The following PRKN variants were observed in gnomAD, a reference collection of about 807,000 sequenced individuals.
PRKN encodes parkin RBR E3 ubiquitin protein ligase, also known as E3 ubiquitin-protein ligase parkin.
Under a neutral mutation model 59.5 loss-of-function variants are expected in PRKN, and 56 were observed. The ratio of observed to expected loss-of-function variants is 0.94; its 90% CI spans 0.76 to 1.18. PRKN has a LOEUF of 1.18. PRKN is among the 50% of genes most tolerant of loss of function. The pLI is 0.00. For missense variants in PRKN, 657 were observed against 596.4 expected (o/e 1.10, Z -1.06); for synonymous variants, 250 against 222.1 (o/e 1.13, Z -1.12).
At chr6:161,644,141 TA>T (rs34426716) in intron 7 of PRKN, among the ~76,000 whole-genome samples, 2,619 of 152,328 alleles carry the variant, frequency 0.017, 34 homozygotes, top group Non-Finnish European at 0.023. Context: ...AGAGGGGTTC[TA>T]ACTCTTGGCT....
At chr6:161,908,506 A>G (rs1231124600) in intron 6 of PRKN, among the ~76,000 whole-genome samples, 3 of 152,172 alleles carry the variant, frequency 2.0e-5, no homozygotes, top group Non-Finnish European at 1.5e-5. Flanking sequence ...GTAGAGTAAA[A>G]TGGTCTTAAA....
rs1447403370 is a variant in PRKN, at chr6:161,499,262, C to T, written c.1083+49592G>A. ...AAGTGAAGAATGAGGACACCCTGGGCCTCCACTCCTTCCCTTCAGTTGCTA... is the reference window on the plus strand; with the variant it reads ...AAGTGAAGAATGAGGACACCCTGGGTCTCCACTCCTTCCCTTCAGTTGCTA... On this transcript the variant is annotated intron_variant, in intron 9 of 11. Transcript: ENST00000366898. This position sits in a 1 kb window ranked among gnomAD's most constrained non-coding sequence, Gnocchi z 4.2. Among the ~76,000 whole-genome samples, 1 of 152,032 alleles carries T rather than the reference C, an allele frequency of 6.6e-6. No homozygotes were observed. The highest frequency in any genetic ancestry group is 1.5e-5 in the Non-Finnish European group (1 of 68,022).
chr6:162,222,667 A>G (rs529068232), intron 3 of PRKN, among the ~76,000 whole-genome samples: 110 of 152,234 alleles, frequency 7.2e-4, no homozygotes, highest in African/African-American at 2.6e-3. Flanking sequence ...GCAGTTAAGC[A>G]CTGCTCACAA....
At chr6:161,464,639 C>T (rs1790367670) in intron 9 of PRKN, among the ~76,000 whole-genome samples, 2 of 152,204 alleles carry the variant, frequency 1.3e-5, no homozygotes, top group African/African-American at 4.8e-5. Context: ...TGTGTAACTA[C>T]AGTCTTGGTA....
intron 6 of PRKN, among the ~76,000 whole-genome samples, chr6:161,925,256 C>T (rs1330539133): frequency 6.6e-6 from 1 of 152,084 alleles, no homozygotes; most frequent in Non-Finnish European, 1.5e-5. Context: ...GCATCTTTGA[C>T]TTTATAGAAA....
chr6:162,572,416 T>C (rs931679960), intron 1 of PRKN, among the ~76,000 whole-genome samples: 6 of 152,214 alleles, frequency 3.9e-5, no homozygotes. Context: ...TTAATTGGCT[T>C]TGTAATCCAG....
chr6:161,937,274 T>C (rs372301189), intron 6 of PRKN, among the ~76,000 whole-genome samples: 5 of 152,342 alleles, frequency 3.3e-5, no homozygotes, highest in Non-Finnish European at 7.3e-5. Flanking sequence ...AGTTACATTT[T>C]TCATCTTTTA....
intron 6 of PRKN, among the ~76,000 whole-genome samples, chr6:161,922,006 A>G (rs993237928): frequency 1.3e-5 from 2 of 152,232 alleles, no homozygotes; most frequent in African/African-American, 4.8e-5. Flanking sequence ...TCTGAGAAAC[A>G]TTGACTGAAT....
chr6:162,405,145 A>G (rs1443434175), intron 2 of PRKN, among the ~76,000 whole-genome samples: 4 of 152,266 alleles, frequency 2.6e-5, no homozygotes, highest in South Asian at 4.1e-4. Context: ...CAACTCAAAA[A>G]AGGAGTGAGG....
intron 2 of PRKN, among the ~76,000 whole-genome samples, chr6:162,305,870 T>G (rs1379178071): frequency 6.6e-6 from 1 of 152,164 alleles, no homozygotes; most frequent in African/African-American, 2.4e-5. Flanking sequence ...ATAGTATCTA[T>G]ATCTGTTTTA....
chr6:162,525,654 G>T (rs1408774999), intron 1 of PRKN, among the ~76,000 whole-genome samples: 1 of 152,024 alleles, frequency 6.6e-6, no homozygotes, highest in Non-Finnish European at 1.5e-5. Context: ...AGCCCCACGA[G>T]TCAGAGATTT....
chr6:161,961,291 T>C (rs1780366942), intron 6 of PRKN, among the ~76,000 whole-genome samples: 1 of 152,106 alleles, frequency 6.6e-6, no homozygotes, highest in African/African-American at 2.4e-5. Flanking sequence ...GGTCTGGTCA[T>C]TTCCAGGGTA....
intron 9 of PRKN, among the ~76,000 whole-genome samples, chr6:161,406,268 C>T (rs1388537861): frequency 6.6e-6 from 1 of 151,704 alleles, no homozygotes; most frequent in East Asian, 1.9e-4. Context: ...ACAGTAAAAT[C>T]TTCCCACTTA....
intron 1 of PRKN, among the ~76,000 whole-genome samples, chr6:162,572,584 C>T (rs566930978): frequency 1.3e-5 from 2 of 152,276 alleles, no homozygotes; most frequent in Non-Finnish European, 2.9e-5. Context: ...GGGGCAATAT[C>T]ATTTTACAGT....
intron 4 of PRKN, among the ~76,000 whole-genome samples, chr6:162,084,659 G>C (rs1458077892): frequency 6.6e-6 from 1 of 151,994 alleles, no homozygotes; most frequent in South Asian, 2.1e-4. Context: ...ACAAACATAA[G>C]TTACACTACT....
intron 1 of PRKN, among the ~76,000 whole-genome samples, chr6:162,496,626 G>A (rs563720723): frequency 2.6e-4 from 39 of 152,230 alleles, no homozygotes; most frequent in African/African-American, 6.7e-4. Flanking sequence ...ATACACATGC[G>A]TGCAAATTCT....
intron 1 of PRKN, among the ~76,000 whole-genome samples, chr6:162,451,339 G>A (rs1227135389): frequency 1.4e-5 from 2 of 141,986 alleles, no homozygotes; most frequent in African/African-American, 2.6e-5. Context: ...TTTTAAAGGA[G>A]CTAGTAGTAT....
chr6:162,536,057 C>T (rs1778701424), intron 1 of PRKN, among the ~76,000 whole-genome samples: 1 of 152,098 alleles, frequency 6.6e-6, no homozygotes, highest in African/African-American at 2.4e-5. Context: ...AGTACAACAT[C>T]TGACTGTTCC....
chr6:161,989,258 G>C (rs1172570479), intron 5 of PRKN, among the ~76,000 whole-genome samples: 1 of 124,722 alleles, frequency 8.0e-6, no homozygotes, highest in Non-Finnish European at 1.8e-5. Flanking sequence ...TACTTTCATA[G>C]TGCCTGGAAA....
Sources: gnomAD v4.1 joint callset for allele counts (sites outside exome capture counted in the v4.1 genomes callset) on GRCh38, gnomAD v4.1.1 for gene constraint, Gnocchi (gnomAD v3.1) non-coding constraint, MANE v1.5 for transcripts, NCBI Gene and HGNC (gene_info 2026-07-23, HGNC 2026-07-21) for gene names.